The following PLCE1 variants were observed in gnomAD, a reference collection of about 807,000 sequenced individuals.
PLCE1 encodes the protein 1-phosphatidylinositol 4,5-bisphosphate phosphodiesterase epsilon-1.
A neutral mutation model predicts 242.8 loss-of-function variants in PLCE1; 119 were observed. The ratio of observed to expected loss-of-function variants is 0.49; its 90% CI spans 0.42 to 0.57. The LOEUF (loss-of-function observed/expected upper bound fraction) is 0.57. Among genes scored for constraint, PLCE1 ranks in the 20% least tolerant of loss-of-function variants. The probability of loss-of-function intolerance (pLI) is 0.00; values close to 1 mark genes in which losing one functional copy is unlikely to be tolerated. For synonymous variants in PLCE1, 945 were observed against 1,017.4 expected (o/e 0.93, Z 1.35); for missense variants, 2,441 against 2,788.8 (o/e 0.88, Z 2.81).
chr10:93,999,267 A>G (rs2060887709), intron 1 of PLCE1, among the ~76,000 whole-genome samples: 1 of 152,192 alleles, frequency 6.6e-6, no homozygotes, highest in Non-Finnish European at 1.5e-5. Context: ...AACTTGTTTA[A>G]TCCCCACAAC....
chr10:94,161,306 C>G (rs1245923751), intron 3 of PLCE1, among the ~76,000 whole-genome samples: 1 of 152,110 alleles, frequency 6.6e-6, no homozygotes, highest in Non-Finnish European at 1.5e-5. Context: ...GAATGTTCTT[C>G]CATTTGTTAG....
intron 6 of PLCE1, among the ~76,000 whole-genome samples, chr10:94,234,633 G>C (rs2050256244): frequency 6.6e-6 from 1 of 152,290 alleles, no homozygotes; most frequent in Middle Eastern, 3.4e-3. Flanking sequence ...CTGGATGCAG[G>C]GGATGAAGAC....
At chr10:94,289,140 C>A (rs2052563320) in intron 22 of PLCE1, among the ~76,000 whole-genome samples, 1 of 152,142 alleles carries the variant, frequency 6.6e-6, no homozygotes, top group Non-Finnish European at 1.5e-5. Flanking sequence ...TGAGAGGTAG[C>A]CCTGTTCACT....
intron 2 of PLCE1, among the ~76,000 whole-genome samples, chr10:94,050,301 G>A (rs1564648101): frequency 6.6e-6 from 1 of 152,142 alleles, no homozygotes; most frequent in Non-Finnish European, 1.5e-5. Flanking sequence ...AGGTGGCAGG[G>A]GAGAGAGAAA....
chr10:94,025,401 G>A (rs958800927), intron 1 of PLCE1, among the ~76,000 whole-genome samples: 2 of 152,102 alleles, frequency 1.3e-5, no homozygotes, highest in Non-Finnish European at 2.9e-5. Flanking sequence ...TACTGATAAT[G>A]TTGTAAAGAT....
At chr10:94,072,563 T>C (rs2044392105) in intron 2 of PLCE1, among the ~76,000 whole-genome samples, 1 of 152,112 alleles carries the variant, frequency 6.6e-6, no homozygotes, top group South Asian at 2.1e-4. Context: ...AGGCTACCCA[T>C]TTCTTTTATT....
At chr10:94,034,876 C>T (rs2061633967) in intron 2 of PLCE1, among the ~76,000 whole-genome samples, 1 of 152,156 alleles carries the variant, frequency 6.6e-6, no homozygotes, top group Admixed American at 6.5e-5. Flanking sequence ...GAATATTTGC[C>T]TTTCCCTAAA....
At chr10:94,271,297 G>A (rs1349439192) in intron 18 of PLCE1, among the ~76,000 whole-genome samples, 1 of 142,502 alleles carries the variant, frequency 7.0e-6, no homozygotes, top group Non-Finnish European at 1.5e-5. Context: ...TCTTATAGGA[G>A]AAGATCATCT....
intron 19 of PLCE1, among the ~76,000 whole-genome samples, chr10:94,275,805 AGTCT>A (rs1295051757): frequency 6.6e-6 from 1 of 152,104 alleles, no homozygotes; most frequent in East Asian, 1.9e-4. Flanking sequence ...ACTGCATACC[AGTCT>A]GGGCCATAGA....
rs74992850 is a variant in PLCE1 at position 94,144,124 on chromosome 10, G to A, written c.1492+11665G>A. Among the ~76,000 whole-genome samples, 802 of 152,298 alleles carry A rather than the reference G, an allele frequency of 5.3e-3. 6 individuals carry two copies. Among genetic ancestry groups the A allele is most frequent in the African/African-American group, 0.017 (709 of 41,572 alleles). On this transcript the variant is annotated intron_variant, in intron 3 of 32. Transcript: ENST00000371380. ...GACCCTAGCAACTCACAAGATCTAG[G>A]CTGATACACTACCAAGTCTAGACCC...
chr10:94,244,387 C>T (rs2050607567), intron 7 of PLCE1, among the ~76,000 whole-genome samples: 1 of 152,168 alleles, frequency 6.6e-6, no homozygotes, highest in Non-Finnish European at 1.5e-5. Context: ...GACCAAATAG[C>T]AGAAACCTTG....
chr10:94,121,486 A>G (rs1449253455), intron 2 of PLCE1, among the ~76,000 whole-genome samples: 1 of 152,202 alleles, frequency 6.6e-6, no homozygotes, highest in Admixed American at 6.5e-5. Context: ...GCCAGCAGGC[A>G]TGGTCTTGGA....
At chr10:94,101,448 T>C (rs1337551970) in intron 2 of PLCE1, among the ~76,000 whole-genome samples, 3 of 152,198 alleles carry the variant, frequency 2.0e-5, no homozygotes, top group African/African-American at 7.2e-5. Flanking sequence ...AGAAGAGACA[T>C]CTTTGATATT....
chr10:94,100,584 G>A (rs1366326019), intron 2 of PLCE1: 1 of 152,156 alleles, frequency 6.6e-6, no homozygotes, highest in Non-Finnish European at 1.5e-5. Context: ...TTGGTCTTTG[G>A]GATGTTGACT....
At chr10:94,227,839 A>G (rs1589382299) in intron 5 of PLCE1, among the ~76,000 whole-genome samples, 1 of 152,370 alleles carries the variant, frequency 6.6e-6, no homozygotes, top group East Asian at 1.9e-4. Context: ...GCTATAGACC[A>G]CCAACTGCCC....
In PLCE1 at chr10:94,332,548, T is replaced by TGTGTGTGTGTGTGTGTG; in HGVS notation, c.*4605_*4606insGTGTGTGTGTGTGTGTG. On this transcript the variant is annotated 3_prime_UTR_variant, in exon 33 of 33. Coordinates refer to ENST00000371380, the MANE Select transcript of PLCE1 (RefSeq NM_016341.4). Reference sequence around the variant, plus strand: ...GTGTGTGTGTGTGTGTGTGTGTGTGTTTAAACATAAGCTTACATATAAGCG... The same window carrying TGTGTGTGTGTGTGTGTG: ...GTGTGTGTGTGTGTGTGTGTGTGTGTGTGTGTGTGTGTGTGTGTTAAACATAAGCTTACATATAAGCG... 7.0e-6 allele frequency: 1 copy of TGTGTGTGTGTGTGTGTG among 143,814 alleles called. No individual in the cohort carries two copies. Among genetic ancestry groups the TGTGTGTGTGTGTGTGTG allele is most frequent in the African/African-American group, 2.6e-5 (1 of 38,210 alleles). The allele number at this position is 143,814 out of a possible 1,614,324, so 8.9% of individuals were successfully genotyped here. A position where few individuals can be genotyped will look rare whatever the true frequency, so the allele number is the denominator to read the frequency against.
intron 2 of PLCE1, among the ~76,000 whole-genome samples, chr10:94,059,710 C>T (rs961102576): frequency 6.6e-6 from 1 of 152,138 alleles, no homozygotes; most frequent in Non-Finnish European, 1.5e-5. Flanking sequence ...CACTATTGCA[C>T]TGGGCAGGTA....
intron 2 of PLCE1, among the ~76,000 whole-genome samples, chr10:94,118,484 A>G (rs1216276138): frequency 6.6e-6 from 1 of 152,124 alleles, no homozygotes; most frequent in Non-Finnish European, 1.5e-5. Context: ...TGTGGGAGGG[A>G]CCCAGTGGGG....
At chr10:94,176,901 C>T (rs1165286724) in intron 4 of PLCE1, among the ~76,000 whole-genome samples, 1 of 151,976 alleles carries the variant, frequency 6.6e-6, no homozygotes. Flanking sequence ...GCTGAGCCCT[C>T]GAGTCTGGGG....
Sources: gnomAD v4.1 joint callset for allele counts (sites outside exome capture counted in the v4.1 genomes callset) on GRCh38, gnomAD v4.1.1 for gene constraint, MANE v1.5 for transcripts, NCBI Gene and HGNC (gene_info 2026-07-23, HGNC 2026-07-21) for gene names.